The following TMEM150B variants were observed in gnomAD, a reference collection of about 807,000 sequenced individuals.
TMEM150B encodes transmembrane protein 150B, also known as modulator of macroautophagy TMEM150B.
A neutral mutation model predicts 25.2 loss-of-function variants in TMEM150B; 33 were observed. The ratio of observed to expected loss-of-function variants is 1.31; its 90% CI spans 0.99 to 1.75. The LOEUF (loss-of-function observed/expected upper bound fraction) is 1.75, where lower values mean the gene tolerates loss of function less well. TMEM150B is among the 40% of genes most tolerant of loss of function. The probability of loss-of-function intolerance (pLI) is 0.00; values close to 1 mark genes in which losing one functional copy is unlikely to be tolerated. For synonymous variants in TMEM150B, 133 were observed against 134.8 expected (o/e 0.99, Z 0.09); for missense variants, 322 against 306.1 (o/e 1.05, Z -0.39).
downstream of TMEM150B, among the ~76,000 whole-genome samples, chr19:55,311,189 T>C (rs1339316567): frequency 6.6e-6 from 1 of 152,176 alleles, no homozygotes; most frequent in Non-Finnish European, 1.5e-5. Context: ...CTCAAACTCC[T>C]GACCTCAAGT....
At chr19:55,311,250 C>A (rs1435805678), downstream of TMEM150B, among the ~76,000 whole-genome samples, 1 of 152,220 alleles carries the variant, frequency 6.6e-6, no homozygotes, top group African/African-American at 2.4e-5. Context: ...GCATGAGCCA[C>A]TGCGCCCGGC....
intron 2 of TMEM150B, among the ~76,000 whole-genome samples, chr19:55,322,385 C>T (rs1476554560): frequency 6.6e-6 from 1 of 152,122 alleles, no homozygotes; most frequent in African/African-American, 2.4e-5. Context: ...TCCTCCCCTT[C>T]ACACCTGAAG....
intron 6 of TMEM150B, 37 bp downstream of exon 6, chr19:55,320,002 C>A: frequency 7.4e-6 from 12 of 1,613,022 alleles, no homozygotes; most frequent in Admixed American, 3.3e-5. Context: ...TTCCAGACGC[C>A]GGCCGGGACA....
intron 6 of TMEM150B, among the ~76,000 whole-genome samples, 170 bp from the exon 7 acceptor site, chr19:55,317,136 T>C (rs1260036753): frequency 6.6e-6 from 1 of 152,174 alleles, no homozygotes; most frequent in East Asian, 1.9e-4. Flanking sequence ...AGAGCAGGCA[T>C]TGAAATCTGT....
Position 55,325,285 on chromosome 19 carries a change from G to C in TMEM150B, c.-167C>G. 1 of 985,350 alleles carries C rather than the reference G, an allele frequency of 1.0e-6. No homozygotes were observed. Among genetic ancestry groups the C allele is most frequent in the Non-Finnish European group, 1.2e-6 (1 of 829,946 alleles). The allele number at this position is 985,350 out of a possible 1,614,324, so 61.0% of individuals were successfully genotyped here. A position where few individuals can be genotyped will look rare whatever the true frequency, so the allele number is the denominator to read the frequency against. ...GGCCCCACTCACCGGCCACGGGTAG[G>C]TTGGGTGTCTGGAGCCTGAAGGATC... is the stretch of plus-strand genomic sequence containing the variant. On this transcript the variant is annotated 5_prime_UTR_variant, in exon 1 of 8. Transcript: ENST00000326652.
chr19:55,320,309 C>T, intron 5 of TMEM150B, 82 bp downstream of exon 5: 2 of 1,502,746 alleles, frequency 1.3e-6, no homozygotes, highest in Non-Finnish European at 1.8e-6. Context: ...GGCATGGACT[C>T]CTGGGTTTGA....
intron 7 of TMEM150B, 129 bp from the exon 8 acceptor site, chr19:55,313,184 A>G (rs2088866839): frequency 1.1e-6 from 1 of 920,492 alleles, no homozygotes; most frequent in Non-Finnish European, 1.6e-6. Context: ...CTTCCCCCGT[A>G]GCTCCTCACA....
chr19:55,312,387 G>A (rs537428797), downstream of TMEM150B: 3 of 197,630 alleles, frequency 1.5e-5, no homozygotes, highest in African/African-American at 7.0e-5. Flanking sequence ...AGGGCCCTCT[G>A]TCCCTGTGTC....
At chr19:55,320,735 C>T (rs1244689994) in intron 3 of TMEM150B, 118 bp from the exon 4 acceptor site, 5 of 1,295,240 alleles carry the variant, frequency 3.9e-6, no homozygotes, top group Admixed American at 2.0e-5. Context: ...AGGCCCCCAG[C>T]CCCTCCTCCC....
chr19:55,313,500 A>C (rs868388327), intron 7 of TMEM150B, among the ~76,000 whole-genome samples: 1 of 152,076 alleles, frequency 6.6e-6, no homozygotes, highest in South Asian at 2.1e-4. Context: ...CATGGCCTAC[A>C]GGCCCTTCCT....
chr19:55,320,035 T>A lies in TMEM150B; in HGVS notation c.324+4A>T. ...ACAGACCCTGGGCGCCGACTGGGTCTCACCTGGAAATTGCCTACCACGGAG... is the reference window on the plus strand; with the variant it reads ...ACAGACCCTGGGCGCCGACTGGGTCACACCTGGAAATTGCCTACCACGGAG... On this transcript the variant is annotated splice_donor_region_variant and intron_variant, in intron 6 of 7. Coordinates refer to ENST00000326652, the MANE Select transcript of TMEM150B (RefSeq NM_001282011.2). The A allele has an allele frequency of 6.2e-7, 1 of 1,613,934 alleles. No individual in the cohort carries two copies. Among genetic ancestry groups the A allele is most frequent in the Non-Finnish European group, 8.5e-7 (1 of 1,179,976 alleles).
chr19:55,321,719 C>T (rs1304154012), intron 2 of TMEM150B, among the ~76,000 whole-genome samples: 1 of 152,118 alleles, frequency 6.6e-6, no homozygotes, highest in Non-Finnish European at 1.5e-5. Flanking sequence ...CTGGAAGACC[C>T]AGAATTCCGG....
Position 55,316,898 on chromosome 19 carries a change from G to A in TMEM150B, c.393C>T (p.Phe131=). Residue 131 remains phenylalanine (F), a synonymous_variant, in exon 7 of 8, where the codon TTC becomes TTT. Transcript: ENST00000326652. ...GCCTCCACAGGAGGAGCTGCAGCCA[G>A]AAGTAGACGTTACCCAAGATGAAGG... ...FLAFILGNVY[F]WLQLLLWRLK... 6.2e-7 allele frequency: 1 copy of A among 1,607,420 alleles called. No individual in the cohort carries two copies. The highest frequency in any genetic ancestry group is 8.5e-7 in the Non-Finnish European group (1 of 1,177,738).
rs55828739 is a variant in TMEM150B at position 55,323,159 on chromosome 19, C to T, written c.-153-416G>A. Among the ~76,000 whole-genome samples the T allele has an allele frequency of 2.8e-3, 424 of 152,292 alleles. 4 individuals are homozygous for T. Among genetic ancestry groups the T allele is most frequent in the African/African-American group, 8.3e-3 (345 of 41,564 alleles). ...TTAAAGTGTACGACTCGGCCAGGCA[C>T]GGCGGCTCACGCCTGTAATCCCAGC... On this transcript the variant is annotated intron_variant, in intron 1 of 7. Coordinates refer to ENST00000326652, the MANE Select transcript of TMEM150B (RefSeq NM_001282011.2).
At chr19:55,321,206 C>T in intron 2 of TMEM150B, 113 bp from the exon 3 acceptor site, 1 of 1,368,978 alleles carries the variant, frequency 7.3e-7, no homozygotes, top group Non-Finnish European at 9.6e-7. Flanking sequence ...TCTGATTGGC[C>T]AGCTCTCCAT....
At chr19:55,313,524 GC>G (rs2088886017) in intron 7 of TMEM150B, among the ~76,000 whole-genome samples, 2 of 152,214 alleles carry the variant, frequency 1.3e-5, no homozygotes, top group South Asian at 4.1e-4. Context: ...CACTCCCAGA[GC>G]CTAATCTCTT....
intron 7 of TMEM150B, among the ~76,000 whole-genome samples, chr19:55,313,484 G>C (rs1478333297): frequency 6.6e-6 from 1 of 151,936 alleles, no homozygotes; most frequent in African/African-American, 2.4e-5. Context: ...CATCCACCCC[G>C]CTACCCATGG....
intron 6 of TMEM150B, among the ~76,000 whole-genome samples, chr19:55,317,474 C>T (rs975256263): frequency 2.6e-5 from 4 of 151,962 alleles, no homozygotes; most frequent in Non-Finnish European, 5.9e-5. Context: ...GGCAAAACCT[C>T]GTCTCTACAA....
chr19:55,319,101 A>C (rs1178846472), intron 6 of TMEM150B, among the ~76,000 whole-genome samples: 2 of 151,156 alleles, frequency 1.3e-5, no homozygotes, highest in African/African-American at 4.9e-5. Flanking sequence ...AGCCTCACTA[A>C]TTTCTTTTTT....
Sources: allele counts gnomAD v4.1 joint callset (sites outside exome capture counted in the v4.1 genomes callset), GRCh38; gene constraint gnomAD v4.1.1; transcripts MANE v1.5; gene names NCBI Gene and HGNC (gene_info 2026-07-23, HGNC 2026-07-21).